Variants in FAM13A observed in about 807,000 individuals in gnomAD.
The protein encoded by FAM13A is family with sequence similarity 13 member A.
Under a neutral mutation model 129.6 loss-of-function variants are expected in FAM13A, and 76 were observed. The observed-to-expected ratio is 0.59, with a 90% CI of 0.49 to 0.71. The LOEUF is 0.71. Among genes scored for constraint, FAM13A ranks in the 30% least tolerant of loss-of-function variants. The probability of loss-of-function intolerance (pLI) is 0.00; values close to 1 mark genes in which losing one functional copy is unlikely to be tolerated. For synonymous variants in FAM13A, 443 were observed against 449.9 expected, an observed-to-expected ratio of 0.98 and a Z score of 0.20; for missense variants, 1,108 against 1,249.3, an observed-to-expected ratio of 0.89 and a Z score of 1.70.
intron 7 of FAM13A, among the ~76,000 whole-genome samples, chr4:88,830,190 C>T (rs1465049697): frequency 6.6e-6 from 1 of 151,786 alleles, no homozygotes; most frequent in African/African-American, 2.4e-5. Context: ...GAGGAAGGTG[C>T]AAAGAAAAAA....
chr4:88,853,632 G>A (rs562686147), intron 6 of FAM13A, among the ~76,000 whole-genome samples: 1 of 152,274 alleles, frequency 6.6e-6, no homozygotes, highest in African/African-American at 2.4e-5. Flanking sequence ...ACATTTCATG[G>A]TGTTAAAATG....
intron 5 of FAM13A, among the ~76,000 whole-genome samples, chr4:88,913,370 A>C (rs769088648): frequency 1.4e-5 from 2 of 144,070 alleles, no homozygotes; most frequent in Non-Finnish European, 3.0e-5. Flanking sequence ...AGAGAAGAGG[A>C]AGAAGAGGAG....
chr4:88,919,959 C>A (rs1750756418), intron 5 of FAM13A, among the ~76,000 whole-genome samples: 1 of 152,348 alleles, frequency 6.6e-6, no homozygotes, highest in East Asian at 1.9e-4. Flanking sequence ...GCGCAGCAGT[C>A]TGAGATCAAA....
intron 18 of FAM13A, among the ~76,000 whole-genome samples, chr4:88,747,326 C>A (rs112732099): frequency 6.6e-6 from 1 of 152,250 alleles, no homozygotes; most frequent in Non-Finnish European, 1.5e-5. Context: ...GACGGTTATA[C>A]GTTACATGGT....
intron 6 of FAM13A, among the ~76,000 whole-genome samples, chr4:88,856,228 C>G (rs11737515): frequency 0.1 from 15,721 of 151,964 alleles, 973 homozygotes; most frequent in Non-Finnish European, 0.14. Flanking sequence ...ACCTGTAATC[C>G]TAGCACTTTG....
At chr4:88,838,235 G>T (rs1183079450) in intron 7 of FAM13A, among the ~76,000 whole-genome samples, 1 of 152,132 alleles carries the variant, frequency 6.6e-6, no homozygotes, top group Non-Finnish European at 1.5e-5. Context: ...AAAAGGGCTT[G>T]AAACAAAAGT....
chr4:88,942,526 C>T (rs982359081), intron 4 of FAM13A, among the ~76,000 whole-genome samples: 11 of 151,346 alleles, frequency 7.3e-5, no homozygotes, highest in Admixed American at 1.3e-4. Context: ...GAGATCACGC[C>T]GTTGCACTCC....
chr4:88,985,403 C>A (rs1762110650), intron 4 of FAM13A, among the ~76,000 whole-genome samples: 1 of 152,142 alleles, frequency 6.6e-6, no homozygotes, highest in Admixed American at 6.5e-5. Context: ...AATTCTGTAT[C>A]TATTCAAAAC....
chr4:89,052,136 G>A (rs1051777728), intron 1 of FAM13A, among the ~76,000 whole-genome samples: 2 of 152,080 alleles, frequency 1.3e-5, no homozygotes, highest in African/African-American at 4.8e-5. Context: ...GTACCCTTTG[G>A]AAGGGCAGCC....
chr4:88,891,602 G>C (rs1353206293), intron 6 of FAM13A, among the ~76,000 whole-genome samples: 1 of 152,120 alleles, frequency 6.6e-6, no homozygotes, highest in Non-Finnish European at 1.5e-5. Context: ...TATGTATCCA[G>C]GCCAGGTTGA....
rs1292039358 is a variant in FAM13A at position 88,727,669 on chromosome 4, CCAAA to C, written c.*860_*863del. The stretch of plus-strand genomic sequence containing the variant: ...TGGCTAGTGCCACAACAAAACAGCC[CCAAA>C]CAGATTGCCATGAGCATGCTAGCCT... On this transcript the variant is annotated 3_prime_UTR_variant, in exon 24 of 24. Transcript: ENST00000264344. 1.3e-5 allele frequency: 2 copies of C among 152,248 alleles called. No homozygotes were observed. The highest frequency in any genetic ancestry group is 6.5e-5 in the Admixed American group (1 of 15,274). 9.4% of individuals were successfully genotyped at this position (152,248 alleles called of 1,614,324 possible).
intron 8 of FAM13A, among the ~76,000 whole-genome samples, chr4:88,794,358 T>C (rs184217956): frequency 6.6e-6 from 1 of 152,040 alleles, no homozygotes; most frequent in Non-Finnish European, 1.5e-5. Context: ...TTCTATGACA[T>C]ATTGAAATAT....
chr4:88,849,518 C>T (rs1466399448), intron 7 of FAM13A, among the ~76,000 whole-genome samples: 3 of 152,196 alleles, frequency 2.0e-5, no homozygotes, highest in Non-Finnish European at 4.4e-5. Flanking sequence ...TCTCCCCCTC[C>T]TTATGTCTCA....
intron 19 of FAM13A, among the ~76,000 whole-genome samples, chr4:88,746,646 C>A (rs1741399691): frequency 6.6e-6 from 1 of 152,124 alleles, no homozygotes. Flanking sequence ...ACCCCTGGCC[C>A]CTCCACCATT....
chr4:88,754,664 A>G (rs1225610826), intron 14 of FAM13A, among the ~76,000 whole-genome samples: 2 of 152,228 alleles, frequency 1.3e-5, no homozygotes, highest in Admixed American at 6.5e-5. Flanking sequence ...ATTTTAAAAA[A>G]TTTTCTTTAG....
intron 4 of FAM13A, among the ~76,000 whole-genome samples, chr4:88,982,300 C>T (rs569865698): frequency 3.9e-5 from 6 of 152,250 alleles, no homozygotes; most frequent in Non-Finnish European, 8.8e-5. Context: ...TCTTCCATCT[C>T]ATGTTTCTAA....
intron 7 of FAM13A, among the ~76,000 whole-genome samples, chr4:88,849,639 C>T (rs1023044728): frequency 6.6e-6 from 1 of 152,160 alleles, no homozygotes; most frequent in African/African-American, 2.4e-5. Context: ...ATCTTCCTCA[C>T]AGTCTTTTTT....
chr4:88,988,085 G>T (rs1762495541), intron 4 of FAM13A, among the ~76,000 whole-genome samples: 1 of 151,972 alleles, frequency 6.6e-6, no homozygotes, highest in African/African-American at 2.4e-5. Context: ...CATGGCACAT[G>T]TCTACCTATG....
At chr4:88,980,117 AAAC>A (rs1277685557) in intron 4 of FAM13A, among the ~76,000 whole-genome samples, 1 of 152,266 alleles carries the variant, frequency 6.6e-6, no homozygotes, top group Non-Finnish European at 1.5e-5. Context: ...ATGCCATGAT[AAAC>A]AACAGTAAGT....
Sources: allele counts gnomAD v4.1 joint callset (sites outside exome capture counted in the v4.1 genomes callset), GRCh38; gene constraint gnomAD v4.1.1; transcripts MANE v1.5; gene names NCBI Gene and HGNC (gene_info 2026-07-23, HGNC 2026-07-21).